The following SERPINA5 variants were observed in gnomAD, a reference collection of about 807,000 sequenced individuals.
SERPINA5 encodes the protein plasma serine protease inhibitor.
In SERPINA5, 25 loss-of-function variants were observed where a neutral mutation model predicts 25.3. The ratio of observed to expected loss-of-function variants is 0.99; its 90% confidence interval spans 0.72 to 1.38. The LOEUF is 1.38. Among genes scored for constraint, SERPINA5 ranks in the 40% most tolerant of loss-of-function variants. The pLI, the probability that SERPINA5 is intolerant of heterozygous loss-of-function variation, is 0.00. For missense variants in SERPINA5, 599 were observed against 509.5 expected (o/e 1.18, Z -1.69); for synonymous variants, 234 against 206.2 (o/e 1.14, Z -1.16).
intron 2 of SERPINA5, among the ~76,000 whole-genome samples, chr14:94,585,337 C>T (rs1233872299): frequency 6.6e-6 from 1 of 152,150 alleles, no homozygotes; most frequent in African/African-American, 2.4e-5. Flanking sequence ...TTCGATTCTG[C>T]AGGCAGAAAC....
chr14:94,588,072 C>A (rs966781741), intron 3 of SERPINA5, 91 bp downstream of exon 3: 2 of 1,483,100 alleles, frequency 1.3e-6, no homozygotes, highest in South Asian at 1.3e-5. Context: ...ACATAAAAGA[C>A]GGGGAGTACG....
At chr14:94,589,311 G>A (rs1346431203) in intron 3 of SERPINA5, among the ~76,000 whole-genome samples, 2 of 152,138 alleles carry the variant, frequency 1.3e-5, no homozygotes, top group East Asian at 3.9e-4. Flanking sequence ...AGCCAGGCAT[G>A]GTGGTGGGCG....
intron 3 of SERPINA5, 125 bp downstream of exon 3, chr14:94,588,106 G>A: frequency 1.6e-6 from 2 of 1,267,762 alleles, no homozygotes; most frequent in Non-Finnish European, 2.2e-6. Context: ...GGTGCCTGTT[G>A]AGAAAAATTA....
rs768525701 is a variant in SERPINA5 at position 94,592,152 on chromosome 14, C to T, written c.1134C>T (p.Asn378=). ...TCACTTTCAGGTCGGCCCGCCTGAA[C>T]TCTCAGAGGCTAGTGTTCAACAGGC... The part of the protein sequence containing the change: ...TIFTFRSARL[N]SQRLVFNRPF... The change falls in exon 6 of 6, where the codon AAC becomes AAT. Residue 378 remains asparagine, a synonymous_variant. Transcript: ENST00000329597. 1 of 1,614,176 alleles carries T rather than the reference C, an allele frequency of 6.2e-7. No individual in the cohort carries two copies. The highest frequency in any genetic ancestry group is 1.1e-5 in the South Asian group (1 of 91,086).
rs529214494 is a variant in SERPINA5, at chr14:94,581,708, T to C, written c.-20T>C. On this transcript the variant is annotated splice_region_variant and 5_prime_UTR_variant, in exon 2 of 6. The change abolishes the stop of an existing upstream ORF in the 5' untranslated region. Transcript: ENST00000329597. ...CTCTGGCAGAGCCTCCGTTTCCTCA[T>C]AGGTAAGATGGAAATAATTACACCC... 2.0e-5 allele frequency: 3 copies of C among 152,246 alleles called. No homozygotes were observed. The East Asian group carries it at 5.8e-4, about 29-fold the overall frequency. 9.4% of individuals were successfully genotyped at this position (152,246 alleles called of 1,614,324 possible). A position where few individuals can be genotyped will look rare whatever the true frequency, so the allele number is the denominator to read the frequency against.
chr14:94,582,351 C>T (rs1357521433), intron 2 of SERPINA5: 5 of 152,190 alleles, frequency 3.3e-5, no homozygotes, highest in South Asian at 4.1e-4. Flanking sequence ...AGGTAACGGA[C>T]GTGTTCATGG....
Position 94,587,374 on chromosome 14 carries a change from C to T in SERPINA5, c.12C>T (p.Phe4=). Residue 4 remains phenylalanine, a synonymous_variant, in exon 3 of 6, where the codon TTC becomes TTT. Transcript: ENST00000329597. MQL[F]LLLCLVLLSP... ...AAAGAACAGCCACCATGCAGCTCTT[C>T]CTCCTCTTGTGCCTGGTGCTTCTCA... is the stretch of plus-strand genomic sequence containing the variant. 1.9e-6 allele frequency: 3 copies of T among 1,608,060 alleles called. No individual in the cohort carries two copies. The highest frequency in any genetic ancestry group is 2.5e-6 in the Non-Finnish European group (3 of 1,177,758).
rs1885329538 is a variant in SERPINA5 at position 94,592,193 on chromosome 14, T to C, written c.1175T>C (p.Ile392Thr). ...TTCAACAGGCCCTTTCTGATGTTCA[T>C]TGTGGATAACAACATCCTCTTCCTT... is the stretch of plus-strand genomic sequence containing the variant. The part of the protein sequence containing the change: ...LVFNRPFLMF[I>T]VDNNILFLGK... Residue 392 changes from isoleucine (I) to threonine (T), a missense_variant, in exon 6 of 6, where the codon ATT (isoleucine) becomes ACT (threonine). By Grantham distance (89) the Ile-to-Thr change is moderately conservative. Transcript: ENST00000329597. 2 of 1,614,014 alleles carry C rather than the reference T, an allele frequency of 1.2e-6. No individual in the cohort carries two copies. The highest frequency in any genetic ancestry group is 1.1e-5 in the South Asian group (1 of 91,080).
chr14:94,584,362 T>A (rs924575296), intron 2 of SERPINA5, among the ~76,000 whole-genome samples: 10 of 152,176 alleles, frequency 6.6e-5, no homozygotes, highest in Non-Finnish European at 1.3e-4. Flanking sequence ...GTCTAGTATG[T>A]CTTTAATAAT....
intron 3 of SERPINA5, among the ~76,000 whole-genome samples, chr14:94,589,017 G>C (rs2069979): frequency 0.031 from 4,668 of 152,304 alleles, 218 homozygotes; most frequent in African/African-American, 0.11. Context: ...GACCACAGCA[G>C]TGAGTGTCGA....
chr14:94,590,695 C>T, intron 4 of SERPINA5, 54 bp from the exon 5 acceptor site: 1 of 1,570,176 alleles, frequency 6.4e-7, no homozygotes, highest in Non-Finnish European at 8.7e-7. Flanking sequence ...AGGGGTGAGG[C>T]TCAGTGTGCC....
In SERPINA5 at chr14:94,592,411, A is replaced by G. The variant is rs2139934116; in HGVS notation, c.*172A>G. The G allele has an allele frequency of 3.1e-6, 2 of 635,176 alleles. No homozygotes were observed. Among genetic ancestry groups the G allele is most frequent in the East Asian group, 5.4e-5 (2 of 36,864 alleles). 39.3% of individuals were successfully genotyped at this position (635,176 alleles called of 1,614,324 possible). Reference sequence around the variant, plus strand: ...GCTTCCACCCACACGACTGCAACATACAGGTGCCTTGGGGAAATGTGGAGA... The same window carrying G: ...GCTTCCACCCACACGACTGCAACATGCAGGTGCCTTGGGGAAATGTGGAGA... On this transcript the variant is annotated 3_prime_UTR_variant, in exon 6 of 6. Transcript: ENST00000329597.
At chr14:94,591,822 A>C (rs1885312674) in intron 5 of SERPINA5, among the ~76,000 whole-genome samples, 2 of 152,212 alleles carry the variant, frequency 1.3e-5, no homozygotes, top group Admixed American at 1.3e-4. Flanking sequence ...AAAATTGAAG[A>C]ATTACACCTT....
chr14:94,592,187 T>A lies in SERPINA5; in HGVS notation c.1169T>A (p.Met390Lys). 1 of 1,614,194 alleles carries A rather than the reference T, an allele frequency of 6.2e-7. No individual in the cohort carries two copies. The highest frequency in any genetic ancestry group is 1.3e-5 in the African/African-American group (1 of 75,060). ...CTAGTGTTCAACAGGCCCTTTCTGA[T>A]GTTCATTGTGGATAACAACATCCTC... is the stretch of plus-strand genomic sequence containing the variant. Reference protein sequence around the residue: ...QRLVFNRPFLMFIVDNNILFL... With the variant: ...QRLVFNRPFLKFIVDNNILFL... The change falls in exon 6 of 6, where the codon ATG (methionine) becomes AAG (lysine). Residue 390 changes from methionine to lysine, a missense_variant. Physicochemically the swap from Met to Lys is moderately conservative, Grantham distance 95. Coordinates refer to ENST00000329597, the MANE Select transcript of SERPINA5 (RefSeq NM_000624.6).
intron 2 of SERPINA5, chr14:94,582,409 G>A (rs919058982): frequency 2.0e-5 from 3 of 152,234 alleles, no homozygotes; most frequent in Non-Finnish European, 4.4e-5. Context: ...CTCCAAACTT[G>A]TCAGGTTATA....
intron 2 of SERPINA5, among the ~76,000 whole-genome samples, chr14:94,584,199 G>T (rs765489115): frequency 1.3e-5 from 2 of 152,120 alleles, no homozygotes; most frequent in Non-Finnish European, 2.9e-5. Flanking sequence ...TTTTAATTCC[G>T]GTTCCATCAC....
rs1268338722 is a variant in SERPINA5, at chr14:94,590,662, G to A, written c.891-87G>A. 3.5e-6 allele frequency: 5 copies of A among 1,427,640 alleles called. No homozygotes were observed. In the East Asian group the frequency reaches 6.9e-5, roughly 20 times the overall value. 88.4% of individuals were successfully genotyped at this position (1,427,640 alleles called of 1,614,324 possible). A position where few individuals can be genotyped will look rare whatever the true frequency, so the allele number is the denominator to read the frequency against. ...CCTTTTTTAAAACCATCAAAACTAA[G>A]AATCCAGTGCATTATGAATCCAAGG... On this transcript the variant is annotated intron_variant, in intron 4 of 5. Transcript: ENST00000329597.
intron 4 of SERPINA5, 197 bp from the exon 5 acceptor site, chr14:94,590,552 C>T (rs1056365459): frequency 3.9e-5 from 31 of 788,224 alleles, no homozygotes; most frequent in African/African-American, 3.8e-4. Context: ...GGGCAGCCCA[C>T]GTCCAAGTCC....
chr14:94,585,811 T>G (rs778482218), intron 2 of SERPINA5, among the ~76,000 whole-genome samples: 2 of 134,066 alleles, frequency 1.5e-5, no homozygotes, highest in African/African-American at 5.7e-5. Flanking sequence ...GTGTAAAGCA[T>G]GTACCCTATG....
Sources: gnomAD v4.1 joint callset for allele counts (sites outside exome capture counted in the v4.1 genomes callset) on GRCh38, gnomAD v4.1.1 for gene constraint, MANE v1.5 for transcripts, NCBI Gene and HGNC (gene_info 2026-07-23, HGNC 2026-07-21) for gene names.